The following FTO variants were observed in gnomAD, a reference collection of about 807,000 sequenced individuals.
FTO encodes the protein FTO alpha-ketoglutarate dependent dioxygenase.
A neutral mutation model predicts 63.9 loss-of-function variants in FTO; 47 were observed. That is an observed-to-expected ratio of 0.74 (90% CI 0.58 to 0.94). The LOEUF is 0.94. FTO is among the 40% of genes least tolerant of loss of function. FTO has a pLI of 0.00. For synonymous variants in FTO, 207 were observed against 224.4 expected (o/e 0.92, Z 0.69); for missense variants, 562 against 618.1 (o/e 0.91, Z 0.96).
At chr16:53,992,441 T>C (rs1350347035) in intron 8 of FTO, 1 of 152,200 alleles carries the variant, frequency 6.6e-6, no homozygotes, top group Non-Finnish European at 1.5e-5. Flanking sequence ...TCCTAAAAGA[T>C]GGTTCCTTTC....
intron 8 of FTO, among the ~76,000 whole-genome samples, chr16:54,032,199 G>A (rs1199367770): frequency 6.6e-6 from 1 of 152,188 alleles, no homozygotes; most frequent in East Asian, 1.9e-4. Context: ...CCTGAAATGA[G>A]GTGATGTAAG....
At chr16:53,970,200 C>A (rs563769219) in intron 8 of FTO, among the ~76,000 whole-genome samples, 12 of 152,110 alleles carry the variant, frequency 7.9e-5, no homozygotes, top group Admixed American at 1.3e-4. Flanking sequence ...AAAGGGAATT[C>A]AAATTATTTA....
At chr16:53,972,305 G>A (rs2160305) in intron 8 of FTO, among the ~76,000 whole-genome samples, 9,448 of 152,024 alleles carry the variant, frequency 0.062, 357 homozygotes, top group Admixed American at 0.092. Context: ...TATTGGACAA[G>A]TATTTTCAAT....
chr16:53,987,275 A>C lies in FTO; in HGVS notation c.1364+53166A>C, dbSNP rs1428487560. ...ATGTTCCCTCTTACAGTTTATCTGG[A>C]TACGGTGTTTAAAATGACAATACAG... On this transcript the variant is annotated intron_variant, in intron 8 of 8. Coordinates refer to ENST00000471389, the MANE Select transcript of FTO (RefSeq NM_001080432.3). Among the ~76,000 whole-genome samples, 7 of 152,274 alleles carry C rather than the reference A, an allele frequency of 4.6e-5. No homozygotes were observed. The East Asian group carries it at 1.4e-3, about 29-fold the overall frequency.
chr16:54,058,031 C>T (rs2085478977), intron 8 of FTO, among the ~76,000 whole-genome samples: 1 of 152,082 alleles, frequency 6.6e-6, no homozygotes, highest in Non-Finnish European at 1.5e-5. Flanking sequence ...ACACAGTGCC[C>T]TGGACATGGG....
At chr16:53,989,062 G>A (rs533751711) in intron 8 of FTO, among the ~76,000 whole-genome samples, 2 of 152,206 alleles carry the variant, frequency 1.3e-5, no homozygotes, top group African/African-American at 2.4e-5. Flanking sequence ...AAAGGGGTAT[G>A]GCTAAGTAGC....
intron 1 of FTO, among the ~76,000 whole-genome samples, chr16:53,768,060 T>C (rs1344249999): frequency 1.3e-5 from 2 of 152,178 alleles, no homozygotes; most frequent in East Asian, 3.9e-4. Context: ...AACTGCAAAC[T>C]CCTTTTACAT....
intron 7 of FTO, among the ~76,000 whole-genome samples, chr16:53,910,952 A>T (rs1028210464): frequency 2.6e-5 from 4 of 152,242 alleles, no homozygotes; most frequent in Non-Finnish European, 4.4e-5. Flanking sequence ...TATTAGATGG[A>T]TGGTGATACC....
chr16:54,048,216 AAAAAAATAAAAAAT>A (rs143035248), intron 8 of FTO, among the ~76,000 whole-genome samples: 3 of 143,342 alleles, frequency 2.1e-5, no homozygotes, highest in South Asian at 2.2e-4. Context: ...TTTAATGTAA[AAAAAAATAAAAAAT>A]AAAAAATAAA....
intron 1 of FTO, among the ~76,000 whole-genome samples, chr16:53,792,029 T>C (rs2077930439): frequency 6.6e-6 from 1 of 150,960 alleles, no homozygotes; most frequent in Non-Finnish European, 1.5e-5. Context: ...TGAGCCGAGA[T>C]TGCGCCACTG....
At chr16:54,069,743 A>T (rs2085820087) in intron 8 of FTO, among the ~76,000 whole-genome samples, 1 of 152,106 alleles carries the variant, frequency 6.6e-6, no homozygotes, top group Admixed American at 6.6e-5. Flanking sequence ...AAATTGACTC[A>T]CTGGCCATGC....
intron 1 of FTO, among the ~76,000 whole-genome samples, chr16:53,786,769 A>G (rs1314244136): frequency 6.6e-6 from 1 of 152,182 alleles, no homozygotes; most frequent in Non-Finnish European, 1.5e-5. Flanking sequence ...CTGTTTGGAC[A>G]TAAGATGGTA....
At chr16:53,724,431 A>G (rs937462830) in intron 1 of FTO, among the ~76,000 whole-genome samples, 1 of 152,194 alleles carries the variant, frequency 6.6e-6, no homozygotes, top group Non-Finnish European at 1.5e-5. Context: ...CAACACCTGT[A>G]TATAATGTTT....
At chr16:53,903,810 A>C (rs1183052395) in intron 7 of FTO, among the ~76,000 whole-genome samples, 1 of 152,158 alleles carries the variant, frequency 6.6e-6, no homozygotes, top group East Asian at 1.9e-4. Context: ...ACCTAGGAGT[A>C]AAATTGTTGG....
At chr16:53,783,819 T>C (rs544406799) in intron 1 of FTO, among the ~76,000 whole-genome samples, 1 of 151,764 alleles carries the variant, frequency 6.6e-6, no homozygotes, top group Admixed American at 6.6e-5. Context: ...GAATGCATGC[T>C]CCATTATATC....
intron 8 of FTO, among the ~76,000 whole-genome samples, chr16:54,024,784 A>T (rs1260539018): frequency 3.9e-5 from 6 of 152,028 alleles, no homozygotes; most frequent in Non-Finnish European, 8.8e-5. Context: ...CAAAGGAAAC[A>T]CTCCATAAAG....
intron 1 of FTO, among the ~76,000 whole-genome samples, chr16:53,781,519 G>A (rs2077588709): frequency 6.6e-6 from 1 of 152,190 alleles, no homozygotes; most frequent in Non-Finnish European, 1.5e-5. Flanking sequence ...CTGCCTTGGA[G>A]ATGTGTAGGG....
chr16:53,936,475 C>T (rs2082392618), intron 8 of FTO, among the ~76,000 whole-genome samples: 1 of 152,188 alleles, frequency 6.6e-6, no homozygotes, highest in South Asian at 2.1e-4. Flanking sequence ...CCTTTCTTTT[C>T]CTCATCAAAG....
Position 53,764,940 on chromosome 16 carries a change from G to A in FTO, c.46-45200G>A, listed in dbSNP as rs139155370. On this transcript the variant is annotated intron_variant, in intron 1 of 8. Transcript: ENST00000471389. ...TCACCATGTTGGCCAGGCTGGTCTC[G>A]ATTTCCTGACCTCAAATGATCTGCC... 7.5e-3 allele frequency among the ~76,000 whole-genome samples: 1,142 copies of A among 151,994 alleles called. 14 individuals are homozygous for A. Among genetic ancestry groups the A allele is most frequent in the African/African-American group, 0.026 (1,090 of 41,482 alleles).
Sources: gnomAD v4.1 joint callset for allele counts (sites outside exome capture counted in the v4.1 genomes callset) on GRCh38, gnomAD v4.1.1 for gene constraint, MANE v1.5 for transcripts, NCBI Gene and HGNC (gene_info 2026-07-23, HGNC 2026-07-21) for gene names.